CCL28: variants seen among roughly 807,000 people sequenced by gnomAD.
The protein encoded by CCL28 is C-C motif chemokine 28.
CCL28 carries 4 observed loss-of-function variants against 7.1 expected under a neutral mutation model. The observed-to-expected ratio is 0.56, with a 90% CI of 0.28 to 1.29. The LOEUF (loss-of-function observed/expected upper bound fraction) is 1.29. Ranked by LOEUF, CCL28 falls within the 50% of genes most tolerant of loss-of-function variation. The pLI is 0.11. For synonymous variants in CCL28, 55 were observed against 57.8 expected (o/e 0.95, Z 0.22); for missense variants, 151 against 163.4 (o/e 0.92, Z 0.41).
the CCL28 span, among the ~76,000 whole-genome samples, chr5:43,367,739 G>C: frequency 6.6e-6 from 1 of 152,180 alleles, no homozygotes; most frequent in Non-Finnish European, 1.5e-5. Context: ...ATGTACCTCA[G>C]TTGGAAATGC....
At chr5:43,365,004 C>CT in the CCL28 span, among the ~76,000 whole-genome samples, 58,067 of 112,702 alleles carry the variant, frequency 0.52, 16,664 homozygotes, top group African/African-American at 0.61. Flanking sequence ...GGTCTTGACT[C>CT]TTTTTTTTTT....
chr5:43,386,809 G>A (rs1740353478), intron 2 of CCL28, among the ~76,000 whole-genome samples: 1 of 152,052 alleles, frequency 6.6e-6, no homozygotes. Context: ...TCTGAAAGGG[G>A]GGAAAATATA....
the CCL28 span, among the ~76,000 whole-genome samples, chr5:43,370,739 TCTCTC>T: frequency 0.49 from 69,758 of 143,782 alleles, 17,175 homozygotes; most frequent in Middle Eastern, 0.61. Context: ...TCTCTCTTTC[TCTCTC>T]TTTTTTTTTT....
the CCL28 span, among the ~76,000 whole-genome samples, chr5:43,365,424 T>C: frequency 2.6e-5 from 4 of 152,220 alleles, no homozygotes; most frequent in African/African-American, 9.6e-5. Context: ...GCTAGCTAGT[T>C]ATTTTGCCTG....
At position 43,381,889 on chromosome 5, in the gene CCL28, C is replaced by T. The variant is rs773277594; in HGVS notation, c.355G>A (p.Glu119Lys). ...NSNRAHQGKHETYGHKTPY is the reference protein window; with the variant it reads ...NSNRAHQGKHKTYGHKTPY ...TAAGGAGTTTTATGGCCGTATGTTT[C>T]GTGTTTCCCCTGATGTGCCCTGTTA... The change falls in exon 3 of 3, where the codon GAA becomes AAA. Residue 119 changes from glutamate (E) to lysine (K), a missense_variant. Physicochemically the swap from Glu to Lys is moderately conservative, Grantham distance 56 (BLOSUM62 1). Transcript: ENST00000361115. 14 of 1,613,806 alleles carry T rather than the reference C, an allele frequency of 8.7e-6. No individual in the cohort carries two copies. Among genetic ancestry groups the T allele is most frequent in the African/African-American group, 2.7e-5 (2 of 74,888 alleles).
chr5:43,388,626 G>A (rs2111758485), intron 1 of CCL28, 150 bp from the exon 2 acceptor site: 1 of 693,302 alleles, frequency 1.4e-6, no homozygotes, highest in Non-Finnish European at 2.3e-6. Flanking sequence ...GGCAGGACAT[G>A]TTCCCACTTT....
intron 1 of CCL28, 50 bp downstream of exon 1, chr5:43,412,203 A>G (rs772439683): frequency 6.7e-7 from 1 of 1,483,844 alleles, no homozygotes; most frequent in South Asian, 1.2e-5. Flanking sequence ...CAGATTTGGG[A>G]GATACCCCCC....
At chr5:43,374,984 A>T (rs538769395), downstream of CCL28, among the ~76,000 whole-genome samples, 4 of 152,078 alleles carry the variant, frequency 2.6e-5, no homozygotes, top group South Asian at 2.1e-4. Context: ...ACAAAATGAA[A>T]GATCTTTTTC....
intron 2 of CCL28, among the ~76,000 whole-genome samples, chr5:43,385,001 A>G (rs1740279463): frequency 6.6e-6 from 1 of 150,510 alleles, no homozygotes; most frequent in Non-Finnish European, 1.5e-5. Flanking sequence ...GGTTCACGCC[A>G]TTCTCCTGCC....
At chr5:43,376,011 G>A (rs1167377359), downstream of CCL28, among the ~76,000 whole-genome samples, 1 of 152,172 alleles carries the variant, frequency 6.6e-6, no homozygotes, top group East Asian at 1.9e-4. Context: ...CTCCAGCCTG[G>A]GCAACAAGAG....
intron 1 of CCL28, among the ~76,000 whole-genome samples, chr5:43,403,739 G>C (rs1741144234): frequency 1.3e-5 from 2 of 152,158 alleles, no homozygotes; most frequent in Admixed American, 1.3e-4. Context: ...TCGAACCCAT[G>C]GCAAAGAAGT....
chr5:43,394,513 G>A (rs1264952117), intron 1 of CCL28, among the ~76,000 whole-genome samples: 6 of 152,076 alleles, frequency 3.9e-5, no homozygotes, highest in African/African-American at 9.7e-5. Flanking sequence ...AGATAATGTC[G>A]TATATCTTAG....
At chr5:43,393,174 C>G (rs1047158166) in intron 1 of CCL28, among the ~76,000 whole-genome samples, 2 of 152,054 alleles carry the variant, frequency 1.3e-5, no homozygotes, top group African/African-American at 4.8e-5. Context: ...TTATTCCATA[C>G]TTTTTAAAAT....
chr5:43,404,012 A>G, intron 1 of CCL28, among the ~76,000 whole-genome samples: 1 of 151,988 alleles, frequency 6.6e-6, no homozygotes, highest in Admixed American at 6.6e-5. Flanking sequence ...GACTATGTGA[A>G]AAGACCAAAT....
intron 2 of CCL28, among the ~76,000 whole-genome samples, chr5:43,387,079 G>T (rs1332939723): frequency 1.3e-5 from 2 of 152,238 alleles, no homozygotes; most frequent in Admixed American, 1.3e-4. Context: ...AGCACCAAAT[G>T]ACTCACTAGC....
intron 1 of CCL28, chr5:43,397,218 G>T (rs914996696): frequency 3.9e-5 from 6 of 152,278 alleles, no homozygotes; most frequent in Admixed American, 1.3e-4. Flanking sequence ...GCCTGGACCC[G>T]GGGGAGCCGG....
intron 1 of CCL28, among the ~76,000 whole-genome samples, chr5:43,408,406 G>T (rs779454368): frequency 2.0e-5 from 3 of 152,120 alleles, no homozygotes; most frequent in Non-Finnish European, 2.9e-5. Flanking sequence ...ACCAAACACC[G>T]CATGTTCTCA....
At chr5:43,367,877 T>C in the CCL28 span, among the ~76,000 whole-genome samples, 2 of 152,248 alleles carry the variant, frequency 1.3e-5, no homozygotes, top group African/African-American at 4.8e-5. Context: ...CTCACTTTGT[T>C]AGCCCATAAA....
downstream of CCL28, chr5:43,377,037 CA>C (rs1349607317): frequency 2.0e-5 from 3 of 152,318 alleles, no homozygotes; most frequent in East Asian, 3.9e-4. Context: ...GGTCAGCAAG[CA>C]AAGTGACCTA....
Sources: allele counts gnomAD v4.1 joint callset (sites outside exome capture counted in the v4.1 genomes callset), GRCh38; gene constraint gnomAD v4.1.1; transcripts MANE v1.5; gene names NCBI Gene and HGNC (gene_info 2026-07-23, HGNC 2026-07-21).